BMP2K: variants seen among roughly 807,000 people sequenced by gnomAD.
BMP2K encodes the protein BMP2 inducible kinase.
BMP2K carries 74 observed loss-of-function variants against 116.0 expected under a neutral mutation model. That is an observed-to-expected ratio of 0.64 (90% CI 0.53 to 0.77). The LOEUF is 0.77. Ranked by LOEUF, BMP2K falls within the 30% of genes least tolerant of loss-of-function variation. BMP2K has a pLI of 0.00. For missense variants in BMP2K, 1,365 were observed against 1,403.6 expected (o/e 0.97, Z 0.44); for synonymous variants, 486 against 502.5 (o/e 0.97, Z 0.44).
chr4:78,913,454 CTATTT>C lies in BMP2K; in HGVS notation c.*1424_*1428del, dbSNP rs1734781135. ...GTATCTGTGCTTCCTGTGTCTATGA[CTATTT>C]TAAGATATAATTGTGCTGCGCTATC... On this transcript the variant is annotated 3_prime_UTR_variant, in exon 16 of 16. Transcript: ENST00000502613. 6.6e-6 allele frequency: 1 copy of C among 152,120 alleles called. No homozygotes were observed. The highest frequency in any genetic ancestry group is 2.4e-5 in the African/African-American group (1 of 41,428). The allele number at this position is 152,120 out of a possible 1,614,324, so 9.4% of individuals were successfully genotyped here.
At chr4:78,827,597 A>G (rs551280639) in intron 2 of BMP2K, among the ~76,000 whole-genome samples, 106 of 152,030 alleles carry the variant, frequency 7.0e-4, no homozygotes, top group African/African-American at 2.5e-3. Context: ...GACCTTCCCA[A>G]TCTGGAAGGG....
chr4:78,891,212 A>G (rs1733418644), intron 15 of BMP2K, among the ~76,000 whole-genome samples: 1 of 152,074 alleles, frequency 6.6e-6, no homozygotes, highest in African/African-American at 2.4e-5. Flanking sequence ...GAGAAATCTG[A>G]TATTATTCTC....
Position 78,911,355 on chromosome 4 carries a change from A to T in BMP2K, c.2808A>T (p.Pro936=). ...PKSVDVFGST[P]FQPFLTSTSK... ...GTGTAGATGTATTTGGCTCCACTCC[A>T]TTTCAGCCCTTCCTCACATCAACAA... The change falls in exon 16 of 16, where the codon CCA becomes CCT. Residue 936 remains proline (P), a synonymous_variant. Transcript: ENST00000502613. 1.2e-6 allele frequency: 2 copies of T among 1,613,574 alleles called. No individual in the cohort carries two copies. Among genetic ancestry groups the T allele is most frequent in the Non-Finnish European group, 1.7e-6 (2 of 1,179,746 alleles).
chr4:78,835,054 G>T (rs1730401953), intron 3 of BMP2K, among the ~76,000 whole-genome samples: 2 of 151,996 alleles, frequency 1.3e-5, no homozygotes, highest in Admixed American at 1.3e-4. Context: ...TTGACTACTT[G>T]TAACTTTTAA....
intron 11 of BMP2K, among the ~76,000 whole-genome samples, chr4:78,871,572 C>T (rs1034725238): frequency 6.6e-6 from 1 of 152,186 alleles, no homozygotes; most frequent in Non-Finnish European, 1.5e-5. Context: ...GTGTCTTTAT[C>T]TTCTAGGAAA....
rs1419629606 is a variant in BMP2K, at chr4:78,871,008, A to G, written c.1457A>G (p.Gln486Arg). The G allele has an allele frequency of 1.9e-6, 3 of 1,567,434 alleles. No homozygotes were observed. The highest frequency in any genetic ancestry group is 4.5e-5 in the East Asian group (2 of 44,122). Residue 486 changes from glutamine (Q) to arginine (R), a missense_variant, in exon 11 of 16, where the codon CAG (glutamine) becomes CGG (arginine). Physicochemically the swap from Gln to Arg is conservative, Grantham distance 43 (BLOSUM62 1). Coordinates refer to ENST00000502613, the MANE Select transcript of BMP2K (RefSeq NM_198892.2). ...QQQQQQQQQQ[Q>R]HHHHHHHHLL... The stretch of plus-strand genomic sequence containing the variant: ...CAGCAGCAGCAGCAGCAGCAGCAGC[A>G]GCACCACCACCACCACCACCACCAC...
At chr4:78,843,072 T>C (rs192886410) in intron 4 of BMP2K, among the ~76,000 whole-genome samples, 1 of 152,130 alleles carries the variant, frequency 6.6e-6, no homozygotes, top group Admixed American at 6.6e-5. Context: ...ACCCACTTGT[T>C]ACATTGAAAA....
chr4:78,896,956 G>A (rs1037165473), intron 15 of BMP2K, among the ~76,000 whole-genome samples: 6 of 152,050 alleles, frequency 3.9e-5, no homozygotes, highest in Non-Finnish European at 8.8e-5. Context: ...CCCACTGGAA[G>A]TTTTCAAAAA....
In BMP2K at chr4:78,872,600, A is replaced by G. The variant is rs776168689; in HGVS notation, c.1609-14A>G. The stretch of plus-strand genomic sequence containing the variant: ...CTGGAGCATTGTTTTGTATAATATC[A>G]TTTCTTTTTTCAGATGCCGCAGTAT... On this transcript the variant is annotated splice_polypyrimidine_tract_variant and intron_variant, in intron 12 of 15. Transcript: ENST00000502613. The G allele has an allele frequency of 2.5e-6, 4 of 1,611,990 alleles. No homozygotes were observed. The highest frequency in any genetic ancestry group is 2.7e-5 in the African/African-American group (2 of 74,850).
chr4:78,853,715 G>A (rs1458238999), intron 7 of BMP2K, among the ~76,000 whole-genome samples: 1 of 152,128 alleles, frequency 6.6e-6, no homozygotes, highest in African/African-American at 2.4e-5. Context: ...GGAACATTGA[G>A]CACCTCCATT....
intron 1 of BMP2K, among the ~76,000 whole-genome samples, chr4:78,779,531 G>T (rs1216114328): frequency 6.6e-6 from 1 of 152,212 alleles, no homozygotes; most frequent in Non-Finnish European, 1.5e-5. Context: ...ACTAGAATGT[G>T]CACGTCAGTA....
intron 2 of BMP2K, among the ~76,000 whole-genome samples, chr4:78,831,827 C>A (rs901697208): frequency 3.3e-5 from 5 of 152,152 alleles, no homozygotes; most frequent in Non-Finnish European, 7.4e-5. Context: ...GTTACATATG[C>A]TCAGTGCTCT....
chr4:78,862,090 T>C lies in BMP2K; in HGVS notation c.1067+622T>C, dbSNP rs150992455. ...ATTATATCTTAGATTATCAGACAGG[T>C]ATAATACTACATTTGGGGAGATTTC... On this transcript the variant is annotated intron_variant, in intron 9 of 15. Transcript: ENST00000502613. Among the ~76,000 whole-genome samples the C allele has an allele frequency of 2.5e-4, 38 of 152,160 alleles. 2 individuals are homozygous for C. The East Asian group carries it at 7.3e-3, about 29-fold the overall frequency.
chr4:78,853,178 A>T (rs1264500604), intron 7 of BMP2K, among the ~76,000 whole-genome samples: 1 of 152,156 alleles, frequency 6.6e-6, no homozygotes, highest in Non-Finnish European at 1.5e-5. Flanking sequence ...TTCCATTTGC[A>T]TCCATTTTAT....
intron 2 of BMP2K, among the ~76,000 whole-genome samples, chr4:78,829,785 CTTT>C (rs1178553443): frequency 1.9e-4 from 22 of 116,204 alleles, no homozygotes; most frequent in African/African-American, 6.0e-4. Flanking sequence ...CTTTTCTTTT[CTTT>C]TCTCTTCTCT....
intron 10 of BMP2K, among the ~76,000 whole-genome samples, chr4:78,866,682 C>T (rs1357754858): frequency 6.6e-6 from 1 of 152,112 alleles, no homozygotes. Context: ...TGAAGTCTCA[C>T]TCTTGTCCCC....
At chr4:78,866,443 A>G (rs1250195952) in intron 10 of BMP2K, among the ~76,000 whole-genome samples, 1 of 152,078 alleles carries the variant, frequency 6.6e-6, no homozygotes, top group Non-Finnish European at 1.5e-5. Flanking sequence ...AGTCTCACGA[A>G]CCTGATTTGA....
intron 13 of BMP2K, among the ~76,000 whole-genome samples, chr4:78,876,016 C>T (rs1371533929): frequency 4.6e-5 from 7 of 152,126 alleles, no homozygotes; most frequent in South Asian, 2.1e-4. Flanking sequence ...CAGTGAAATT[C>T]GGTTTCACCC....
intron 1 of BMP2K, among the ~76,000 whole-genome samples, chr4:78,818,485 G>A (rs1298538545): frequency 6.6e-6 from 1 of 152,064 alleles, no homozygotes; most frequent in Non-Finnish European, 1.5e-5. Context: ...ATCTCATTGT[G>A]GTTTTGATTT....
Sources: gnomAD v4.1 joint callset for allele counts (sites outside exome capture counted in the v4.1 genomes callset) on GRCh38, gnomAD v4.1.1 for gene constraint, MANE v1.5 for transcripts, NCBI Gene and HGNC (gene_info 2026-07-23, HGNC 2026-07-21) for gene names.